Variants in LAMA3 observed in about 807,000 individuals in gnomAD.
LAMA3 encodes the protein laminin subunit alpha-3.
LAMA3 carries 281 observed loss-of-function variants against 402.0 expected under a neutral mutation model. The ratio of observed to expected loss-of-function variants is 0.70; its 90% CI spans 0.63 to 0.77. The LOEUF (loss-of-function observed/expected upper bound fraction) is 0.77. Among genes scored for constraint, LAMA3 ranks in the 30% least tolerant of loss-of-function variants. The pLI, the probability that LAMA3 is intolerant of heterozygous loss-of-function variation, is 0.00. For synonymous variants in LAMA3, 1,431 were observed against 1,558.4 expected (o/e 0.92, Z 1.93); for missense variants, 3,840 against 4,215.5 (o/e 0.91, Z 2.47).
intron 56 of LAMA3, 56 bp downstream of exon 56, chr18:23,912,937 T>G: frequency 6.6e-7 from 1 of 1,513,418 alleles, no homozygotes; most frequent in Admixed American, 1.7e-5. Flanking sequence ...TCGAGAGGTG[T>G]GCTTTTGAGA....
intron 12 of LAMA3, among the ~76,000 whole-genome samples, chr18:23,792,334 G>A (rs2062674902): frequency 1.3e-5 from 2 of 152,136 alleles, no homozygotes; most frequent in Admixed American, 6.5e-5. Flanking sequence ...TTCTGGTGAG[G>A]GCCACATACT....
intron 12 of LAMA3, among the ~76,000 whole-genome samples, chr18:23,798,116 T>C (rs547152581): frequency 6.6e-6 from 1 of 152,222 alleles, no homozygotes; most frequent in South Asian, 2.1e-4. Flanking sequence ...CTATTCTTCA[T>C]TTTTTTCTTC....
intron 7 of LAMA3, 118 bp from the exon 8 acceptor site, chr18:23,763,287 C>A: frequency 1.3e-6 from 1 of 741,218 alleles, no homozygotes; most frequent in South Asian, 1.4e-5. Context: ...CTAAGAGTGT[C>A]CTGGGTGTTC....
Position 23,899,408 on chromosome 18 carries a change from G to T in LAMA3, c.5957G>T (p.Gly1986Val), listed in dbSNP as rs1173725212. The part of the protein sequence containing the change: ...MMRELRNRNF[G>V]KHLREAEADK... ...AGGGAACTGCGGAACAGGAACTTTG[G>T]AAAGCACCTCAGAGAAGCAGAAGCT... is the stretch of plus-strand genomic sequence containing the variant. The change falls in exon 47 of 75, where the codon GGA (glycine) becomes GTA (valine). Residue 1986 changes from glycine to valine, a missense_variant. By Grantham distance (109) the Gly-to-Val change is moderately radical. This residue lies in a region of LAMA3 where 891 missense variants were observed against 857.5 expected (regional missense o/e 1.04). Transcript: ENST00000313654. 6.2e-7 allele frequency: 1 copy of T among 1,614,050 alleles called. No individual in the cohort carries two copies. The highest frequency in any genetic ancestry group is 8.5e-7 in the Non-Finnish European group (1 of 1,180,020).
In LAMA3 at chr18:23,928,248, A is replaced by G. The variant is rs2082065013; in HGVS notation, c.8295+8A>G. ...TGCTCGGAAGACTGGAAGGTAAGTG[A>G]AAGTTCAGAACCTCGTGAAGGAGTG... On this transcript the variant is annotated splice_region_variant and intron_variant, in intron 63 of 74. Coordinates refer to ENST00000313654, the MANE Select transcript of LAMA3 (RefSeq NM_198129.4). 2 of 1,557,072 alleles carry G rather than the reference A, an allele frequency of 1.3e-6. No individual in the cohort carries two copies. The highest frequency in any genetic ancestry group is 2.7e-5 in the African/African-American group (2 of 73,870).
At chr18:23,913,973 C>A (rs866814675) in intron 56 of LAMA3, among the ~76,000 whole-genome samples, 1 of 152,140 alleles carries the variant, frequency 6.6e-6, no homozygotes, top group Non-Finnish European at 1.5e-5. Flanking sequence ...CACATTCTAG[C>A]AGGGAAGAAA....
intron 12 of LAMA3, among the ~76,000 whole-genome samples, chr18:23,799,976 A>G (rs982286824): frequency 3.8e-4 from 58 of 152,320 alleles, no homozygotes; most frequent in South Asian, 4.1e-4. Flanking sequence ...GATGGAGAAT[A>G]ATCTGCTTTA....
chr18:23,780,168 G>C (rs2062406776), intron 11 of LAMA3, among the ~76,000 whole-genome samples: 1 of 152,176 alleles, frequency 6.6e-6, no homozygotes, highest in Non-Finnish European at 1.5e-5. Flanking sequence ...TTTATTAAGT[G>C]CCTGTGCTGT....
At chr18:23,923,012 A>G (rs1357656912) in intron 62 of LAMA3, among the ~76,000 whole-genome samples, 2 of 152,216 alleles carry the variant, frequency 1.3e-5, no homozygotes, top group Non-Finnish European at 1.5e-5. Flanking sequence ...ACCTAATCCA[A>G]CTGGGGCCAT....
chr18:23,779,824 A>C (rs1291478228), intron 11 of LAMA3, among the ~76,000 whole-genome samples: 1 of 152,168 alleles, frequency 6.6e-6, no homozygotes, highest in Non-Finnish European at 1.5e-5. Context: ...GAGGTCAGTT[A>C]TAACAGGACC....
At chr18:23,730,135 C>T (rs889439916) in intron 2 of LAMA3, among the ~76,000 whole-genome samples, 2 of 152,170 alleles carry the variant, frequency 1.3e-5, no homozygotes, top group Non-Finnish European at 2.9e-5. Context: ...TTGCTGGCTA[C>T]TAGAAGCATA....
At chr18:23,911,136 A>G (rs2081411510) in intron 55 of LAMA3, among the ~76,000 whole-genome samples, 2 of 137,196 alleles carry the variant, frequency 1.5e-5, no homozygotes, top group Admixed American at 7.6e-5. Flanking sequence ...GCCAGGTGAC[A>G]AAAAGCAGGA....
Position 23,953,103 on chromosome 18 carries a change from G to T in LAMA3, c.9850G>T (p.Ala3284Ser), listed in dbSNP as rs563708367. 97 of 1,614,002 alleles carry T rather than the reference G, an allele frequency of 6.0e-5. 1 individual carries two copies. In the South Asian group the frequency reaches 1.1e-3, roughly 18 times the overall value. The change falls in exon 74 of 75, where the codon GCT (alanine) becomes TCT (serine). Residue 3284 changes from alanine (A) to serine (S), a missense_variant. Ala to Ser is a moderately conservative substitution (Grantham distance 99). Transcript: ENST00000313654. ...TCAAGAGCCACTACACCTTGGAGGT[G>T]CTCCAGGTAACTCTTGTCCTGACTT... ...STQEPLHLGGAPANLTTLRIP... is the reference protein window; with the variant it reads ...STQEPLHLGGSPANLTTLRIP...
chr18:23,844,006 T>A (rs536260404), intron 29 of LAMA3, among the ~76,000 whole-genome samples: 4 of 152,320 alleles, frequency 2.6e-5, no homozygotes, highest in Admixed American at 6.5e-5. Flanking sequence ...GCCCAGACTC[T>A]CTGTGTGGCC....
chr18:23,861,868 A>G, intron 35 of LAMA3, 61 bp downstream of exon 35: 1 of 1,508,234 alleles, frequency 6.6e-7, no homozygotes, highest in Non-Finnish European at 9.0e-7. Context: ...CTGCATGAGC[A>G]TCATTTCCTG....
chr18:23,938,362 G>A (rs528726595), intron 67 of LAMA3, among the ~76,000 whole-genome samples: 27 of 152,262 alleles, frequency 1.8e-4, no homozygotes, highest in African/African-American at 6.0e-4. Context: ...TGAGCTCTGC[G>A]GTGGAGAAAA....
chr18:23,808,668 T>G (rs2063010086), intron 12 of LAMA3, among the ~76,000 whole-genome samples: 1 of 152,214 alleles, frequency 6.6e-6, no homozygotes, highest in Non-Finnish European at 1.5e-5. Flanking sequence ...GTGAGTAAAC[T>G]AGCCGAGTTC....
chr18:23,849,741 T>G (rs935257020), intron 32 of LAMA3, among the ~76,000 whole-genome samples: 1 of 152,216 alleles, frequency 6.6e-6, no homozygotes, highest in Admixed American at 6.5e-5. Context: ...CTATAGTAAG[T>G]TTTGCCCAAA....
At chr18:23,759,495 A>G (rs2061925228) in intron 7 of LAMA3, among the ~76,000 whole-genome samples, 1 of 152,180 alleles carries the variant, frequency 6.6e-6, no homozygotes. Flanking sequence ...TCCCAGGTTC[A>G]AGCGGTTCTC....
Sources: allele counts gnomAD v4.1 joint callset (sites outside exome capture counted in the v4.1 genomes callset), GRCh38; gene constraint gnomAD v4.1.1; regional missense constraint gnomAD v4.1.1; transcripts MANE v1.5; gene names NCBI Gene and HGNC (gene_info 2026-07-23, HGNC 2026-07-21).